The following KCND2 variants were observed in gnomAD, a reference collection of about 807,000 sequenced individuals.
KCND2 encodes potassium voltage-gated channel subfamily D member 2.
A neutral mutation model predicts 54.4 loss-of-function variants in KCND2; 16 were observed. That is an observed-to-expected ratio of 0.29 (90% confidence interval 0.20 to 0.45). The LOEUF (loss-of-function observed/expected upper bound fraction) is 0.45. Ranked by LOEUF, KCND2 falls within the 20% of genes least tolerant of loss-of-function variation. The pLI, the probability that KCND2 is intolerant of heterozygous loss-of-function variation, is 1.00. For missense variants in KCND2, 486 were observed against 824.2 expected (o/e 0.59, Z 5.02); for synonymous variants, 317 against 310.7 (o/e 1.02, Z -0.21).
chr7:120,347,210 C>A (rs1800332462), intron 1 of KCND2, among the ~76,000 whole-genome samples: 1 of 152,010 alleles, frequency 6.6e-6, no homozygotes, highest in Admixed American at 6.6e-5. Flanking sequence ...CTTTTTATTT[C>A]TTTTCTGTTT....
intron 1 of KCND2, among the ~76,000 whole-genome samples, chr7:120,536,277 C>A (rs1388225036): frequency 1.3e-5 from 2 of 152,038 alleles, no homozygotes; most frequent in East Asian, 1.9e-4. Flanking sequence ...TGTTAACAAT[C>A]ATCTGGACTG....
At chr7:120,681,282 G>C (rs1431346907) in intron 1 of KCND2, among the ~76,000 whole-genome samples, 1 of 151,982 alleles carries the variant, frequency 6.6e-6, no homozygotes, top group Admixed American at 6.6e-5. Flanking sequence ...TCACTAGCTA[G>C]GGGTATGGGG....
At chr7:120,467,456 G>A (rs549961203) in intron 1 of KCND2, among the ~76,000 whole-genome samples, 5 of 151,952 alleles carry the variant, frequency 3.3e-5, no homozygotes, top group Non-Finnish European at 5.9e-5. Context: ...TTAATTTCTG[G>A]TGCATTTGGA....
At chr7:120,577,162 A>G (rs1240978351) in intron 1 of KCND2, among the ~76,000 whole-genome samples, 3 of 152,024 alleles carry the variant, frequency 2.0e-5, no homozygotes, top group African/African-American at 7.2e-5. Flanking sequence ...AATAATAATA[A>G]TAATAATGGG....
In KCND2 at chr7:120,275,711, C is replaced by T; in HGVS notation, c.1079C>T (p.Ala360Val). 1 of 1,601,176 alleles carries T rather than the reference C, an allele frequency of 6.2e-7. No individual in the cohort carries two copies. The highest frequency in any genetic ancestry group is 8.5e-7 in the Non-Finnish European group (1 of 1,179,926). Residue 360 changes from alanine to valine, a missense_variant, in exon 1 of 6, where the codon GCC (alanine) becomes GTC (valine). Physicochemically the swap from Ala to Val is moderately conservative, Grantham distance 64. This residue lies in a region of KCND2 where 23 missense variants were observed against 33.7 expected (regional missense o/e 0.68). Coordinates refer to ENST00000331113, the MANE Select transcript of KCND2 (RefSeq NM_012281.3). ...SASKFTSIPA[A>V]FWYTIVTMTT... ...AGCAAGTTCACCAGCATCCCTGCAGCCTTCTGGTATACCATCGTCACCATG... is the reference window on the plus strand; with the variant it reads ...AGCAAGTTCACCAGCATCCCTGCAGTCTTCTGGTATACCATCGTCACCATG...
intron 1 of KCND2, among the ~76,000 whole-genome samples, chr7:120,377,755 A>G (rs1800855610): frequency 6.6e-6 from 1 of 151,848 alleles, no homozygotes; most frequent in Non-Finnish European, 1.5e-5. Context: ...ATTGTTTCGT[A>G]TTTCCATAGG....
intron 1 of KCND2, among the ~76,000 whole-genome samples, chr7:120,460,897 C>A (rs1220602105): frequency 1.3e-5 from 2 of 152,078 alleles, no homozygotes; most frequent in Non-Finnish European, 2.9e-5. Context: ...TTCTTATAGA[C>A]CATTAGAATA....
At chr7:120,733,172 CATCA>C in intron 2 of KCND2, 107 bp downstream of exon 2, 2 of 1,090,244 alleles carry the variant, frequency 1.8e-6, no homozygotes, top group Non-Finnish European at 2.8e-6. Context: ...TCAGTAGTTG[CATCA>C]ATCAGGACCG....
chr7:120,580,855 T>C (rs1476295303), intron 1 of KCND2, among the ~76,000 whole-genome samples: 2 of 152,164 alleles, frequency 1.3e-5, no homozygotes, highest in Non-Finnish European at 2.9e-5. Context: ...GCTAGTGAGT[T>C]TCCCATCCCT....
At chr7:120,365,032 T>C (rs1800646850) in intron 1 of KCND2, among the ~76,000 whole-genome samples, 1 of 152,002 alleles carries the variant, frequency 6.6e-6, no homozygotes, top group Admixed American at 6.6e-5. Flanking sequence ...TGTAGACAGG[T>C]ATAAACATGC....
intron 1 of KCND2, among the ~76,000 whole-genome samples, chr7:120,626,761 C>A (rs1793168812): frequency 6.6e-6 from 1 of 152,122 alleles, no homozygotes; most frequent in Non-Finnish European, 1.5e-5. Flanking sequence ...AGATTTTCTT[C>A]CTATTTTTAA....
At chr7:120,612,101 A>G (rs940815809) in intron 1 of KCND2, among the ~76,000 whole-genome samples, 1 of 151,252 alleles carries the variant, frequency 6.6e-6, no homozygotes, top group Non-Finnish European at 1.5e-5. Flanking sequence ...TCTACCCAAG[A>G]TATGACTTTT....
chr7:120,733,139 G>T lies in KCND2; in HGVS notation c.1278+74G>T. The T allele has an allele frequency of 2.0e-6, 3 of 1,473,116 alleles. No individual in the cohort carries two copies. The South Asian group carries it at 3.4e-5, about 17-fold the overall frequency. The allele number at this position is 1,473,116 out of a possible 1,614,324, so 91.3% of individuals were successfully genotyped here. A position where few individuals can be genotyped will look rare whatever the true frequency, so the allele number is the denominator to read the frequency against. On this transcript the variant is annotated intron_variant, in intron 2 of 5. Transcript: ENST00000331113. The stretch of plus-strand genomic sequence containing the variant: ...ATAATGAGCTTTAAAATTTCTTAAT[G>T]GTTATTCAGTGCTCTGGATTGGTCA...
At chr7:120,602,778 G>A (rs1792830836) in intron 1 of KCND2, among the ~76,000 whole-genome samples, 1 of 152,176 alleles carries the variant, frequency 6.6e-6, no homozygotes, top group African/African-American at 2.4e-5. Context: ...TTCTTCTCCA[G>A]TTGTTTCTGT....
chr7:120,359,539 A>T (rs903422699), intron 1 of KCND2, among the ~76,000 whole-genome samples: 23 of 152,136 alleles, frequency 1.5e-4, no homozygotes, highest in Non-Finnish European at 2.5e-4. Context: ...ATAAATGGTA[A>T]TGTAAATGTA....
intron 1 of KCND2, among the ~76,000 whole-genome samples, chr7:120,421,595 C>T (rs985758779): frequency 3.9e-5 from 6 of 152,132 alleles, no homozygotes; most frequent in Admixed American, 1.3e-4. Context: ...TCTGCATTTC[C>T]CAAAGATTCA....
At chr7:120,577,695 C>T (rs554499442) in intron 1 of KCND2, among the ~76,000 whole-genome samples, 1 of 152,288 alleles carries the variant, frequency 6.6e-6, no homozygotes, top group South Asian at 2.1e-4. Context: ...ACACAATTCT[C>T]CTGCCTCAGC....
At chr7:120,505,327 G>A in intron 1 of KCND2, among the ~76,000 whole-genome samples, 1 of 151,470 alleles carries the variant, frequency 6.6e-6, no homozygotes, top group South Asian at 2.1e-4. Flanking sequence ...TCTCAGGGCA[G>A]AGTACGAAGG....
chr7:120,691,572 AG>A, intron 1 of KCND2, among the ~76,000 whole-genome samples: 1 of 152,240 alleles, frequency 6.6e-6, no homozygotes, highest in Non-Finnish European at 1.5e-5. Context: ...AACAGAATGA[AG>A]GGGAGGATTA....
Sources: allele counts gnomAD v4.1 joint callset (sites outside exome capture counted in the v4.1 genomes callset), GRCh38; gene constraint gnomAD v4.1.1; regional missense constraint gnomAD v4.1.1; transcripts MANE v1.5; gene names NCBI Gene and HGNC (gene_info 2026-07-23, HGNC 2026-07-21).